CEP112: variants seen among roughly 807,000 people sequenced by gnomAD.
CEP112 encodes centrosomal protein 112, also known as centrosomal protein of 112 kDa.
Under a neutral mutation model 153.0 loss-of-function variants are expected in CEP112, and 127 were observed. That is an observed-to-expected ratio of 0.83 (90% CI 0.72 to 0.96). The LOEUF is 0.96. Ranked by LOEUF, CEP112 falls within the 40% of genes least tolerant of loss-of-function variation. The probability of loss-of-function intolerance (pLI) is 0.00; values close to 1 mark genes in which losing one functional copy is unlikely to be tolerated. For synonymous variants in CEP112, 358 were observed against 374.4 expected, an observed-to-expected ratio of 0.96 and a Z score of 0.51; for missense variants, 1,089 against 1,101.2, an observed-to-expected ratio of 0.99 and a Z score of 0.16.
At chr17:66,027,912 G>A (rs1358971138) in intron 15 of CEP112, among the ~76,000 whole-genome samples, 2 of 151,858 alleles carry the variant, frequency 1.3e-5, no homozygotes, top group Non-Finnish European at 2.9e-5. Flanking sequence ...TTTTGATCAC[G>A]AGAGAAAAGA....
At chr17:65,966,885 T>C (rs975895319) in intron 17 of CEP112, among the ~76,000 whole-genome samples, 13 of 152,206 alleles carry the variant, frequency 8.5e-5, no homozygotes, top group Non-Finnish European at 1.6e-4. Flanking sequence ...TAATATTGAA[T>C]ATATGGTAAT....
intron 23 of CEP112, among the ~76,000 whole-genome samples, chr17:65,710,778 G>A (rs1444941805): frequency 6.6e-6 from 1 of 152,200 alleles, no homozygotes; most frequent in African/African-American, 2.4e-5. Context: ...CTTAAGAAGT[G>A]CACTGGCCAT....
chr17:65,893,918 G>C (rs557343513), intron 20 of CEP112, among the ~76,000 whole-genome samples: 1 of 152,172 alleles, frequency 6.6e-6, no homozygotes, highest in African/African-American at 2.4e-5. Context: ...TTGAACATTT[G>C]ATGATATCAC....
intron 17 of CEP112, among the ~76,000 whole-genome samples, chr17:65,990,173 A>G (rs1317194518): frequency 6.6e-6 from 1 of 152,178 alleles, no homozygotes; most frequent in Non-Finnish European, 1.5e-5. Flanking sequence ...CTGATCAATA[A>G]TAACATTGAA....
chr17:65,936,534 TA>T (rs1404305662), intron 18 of CEP112, among the ~76,000 whole-genome samples: 1 of 151,600 alleles, frequency 6.6e-6, no homozygotes, highest in Non-Finnish European at 1.5e-5. Context: ...ATACTAGCAA[TA>T]AAAAAACAAA....
intron 21 of CEP112, among the ~76,000 whole-genome samples, chr17:65,826,800 C>T (rs2056859444): frequency 6.6e-6 from 1 of 152,168 alleles, no homozygotes; most frequent in Admixed American, 6.5e-5. Flanking sequence ...TCCATGTTTT[C>T]CTGTGTGTAA....
intron 20 of CEP112, among the ~76,000 whole-genome samples, chr17:65,884,706 C>CTTTT (rs11370374): frequency 7.7e-6 from 1 of 130,648 alleles, no homozygotes; most frequent in Non-Finnish European, 1.6e-5. Context: ...TTTGTAGTTT[C>CTTTT]TTTTTTTTTT....
chr17:65,844,087 G>A lies in CEP112; in HGVS notation c.2394+7717C>T, dbSNP rs1054439788. Among the ~76,000 whole-genome samples, 8 of 152,068 alleles carry A rather than the reference G, an allele frequency of 5.3e-5. No individual in the cohort carries two copies. In the East Asian group the frequency reaches 5.8e-4, roughly 11 times the overall value. On this transcript the variant is annotated intron_variant, in intron 21 of 26. Transcript: ENST00000535342. Reference sequence around the variant, plus strand: ...AAAAGACATGAACAGGCAATTTCCCGAAAATGAAATATAAATAAATAACAG... The same window carrying A: ...AAAAGACATGAACAGGCAATTTCCCAAAAATGAAATATAAATAAATAACAG...
chr17:66,074,612 C>A (rs2067418405), intron 8 of CEP112, among the ~76,000 whole-genome samples: 1 of 151,996 alleles, frequency 6.6e-6, no homozygotes, highest in Non-Finnish European at 1.5e-5. Context: ...CACCTGTAAT[C>A]CCAGCACTTT....
chr17:65,935,385 AAAC>A (rs1599064372), intron 18 of CEP112, among the ~76,000 whole-genome samples: 1 of 152,202 alleles, frequency 6.6e-6, no homozygotes, highest in East Asian at 1.9e-4. Flanking sequence ...ATCAATAAGG[AAAC>A]ATCAGACTTA....
At chr17:65,729,560 C>T (rs909673531) in intron 23 of CEP112, among the ~76,000 whole-genome samples, 15 of 152,192 alleles carry the variant, frequency 9.9e-5, no homozygotes, top group Non-Finnish European at 1.9e-4. Flanking sequence ...GAACTATCTC[C>T]GATACAGTTT....
At chr17:65,690,638 C>T (rs2048064362) in intron 23 of CEP112, among the ~76,000 whole-genome samples, 1 of 151,968 alleles carries the variant, frequency 6.6e-6, no homozygotes, top group Non-Finnish European at 1.5e-5. Flanking sequence ...GGGCGAAGAC[C>T]TGAAGGACAA....
chr17:66,127,248 GTGCTAAGTAATGTATATCATGT>G (rs1369406519), intron 6 of CEP112, among the ~76,000 whole-genome samples: 2 of 152,156 alleles, frequency 1.3e-5, no homozygotes, highest in East Asian at 3.9e-4. Context: ...AGTACTCTAT[GTGCTAAGTAATGTATATCATGT>G]TTCAAGTGGC....
At chr17:65,952,089 C>T (rs2061855290) in intron 18 of CEP112, among the ~76,000 whole-genome samples, 1 of 152,054 alleles carries the variant, frequency 6.6e-6, no homozygotes, top group Admixed American at 6.6e-5. Flanking sequence ...AAAGAACACA[C>T]TTTGTATTTC....
intron 20 of CEP112, among the ~76,000 whole-genome samples, chr17:65,893,919 A>G (rs573926603): frequency 6.6e-6 from 1 of 152,230 alleles, no homozygotes; most frequent in East Asian, 1.9e-4. Context: ...TGAACATTTG[A>G]TGATATCACC....
Position 66,148,704 on chromosome 17 carries a change from T to G in CEP112, c.471-15941A>C, listed in dbSNP as rs1295059205. ...TTTAATTAATTTTTTGCACTGATTT[T>G]GTATCCTGCAACTAAGCTAAATCCA... On this transcript the variant is annotated intron_variant, in intron 4 of 26. Coordinates refer to ENST00000535342, the MANE Select transcript of CEP112 (RefSeq NM_001199165.4). Among the ~76,000 whole-genome samples the G allele has an allele frequency of 2.0e-5, 3 of 152,240 alleles. No individual in the cohort carries two copies. The East Asian group carries it at 5.8e-4, about 29-fold the overall frequency.
At chr17:65,761,344 G>A (rs897207014) in intron 21 of CEP112, among the ~76,000 whole-genome samples, 1 of 151,746 alleles carries the variant, frequency 6.6e-6, no homozygotes, top group Non-Finnish European at 1.5e-5. Flanking sequence ...AAACTCCTAG[G>A]CACAAGGAAT....
At chr17:66,035,008 A>ATATATATATATT (rs1454121288) in intron 12 of CEP112, among the ~76,000 whole-genome samples, 1 of 72,350 alleles carries the variant, frequency 1.4e-5, no homozygotes, top group African/African-American at 4.4e-5. Flanking sequence ...ATATATATAT[A>ATATATATATATT]TTTTTTTTTT....
At chr17:65,844,070 T>C (rs1473658570) in intron 21 of CEP112, among the ~76,000 whole-genome samples, 1 of 152,126 alleles carries the variant, frequency 6.6e-6, no homozygotes, top group Non-Finnish European at 1.5e-5. Flanking sequence ...GAAAAAGACA[T>C]GAACAGGCAA....
Sources: gnomAD v4.1 joint callset for allele counts (sites outside exome capture counted in the v4.1 genomes callset) on GRCh38, gnomAD v4.1.1 for gene constraint, MANE v1.5 for transcripts, NCBI Gene and HGNC (gene_info 2026-07-23, HGNC 2026-07-21) for gene names.